The following LPP variants were observed in gnomAD, a reference collection of about 807,000 sequenced individuals.
LPP encodes the protein LIM domain containing preferred translocation partner in lipoma, also known as lipoma-preferred partner.
LPP carries 38 observed loss-of-function variants against 60.4 expected under a neutral mutation model. The ratio of observed to expected loss-of-function variants is 0.63; its 90% CI spans 0.49 to 0.83. LPP has a LOEUF of 0.83. LPP is among the 40% of genes least tolerant of loss of function. LPP has a pLI of 0.00. For missense variants in LPP, 902 were observed against 783.6 expected, an observed-to-expected ratio of 1.15 and a Z score of -1.80; for synonymous variants, 328 against 290.8, an observed-to-expected ratio of 1.13 and a Z score of -1.30.
At chr3:188,433,300 A>G (rs893769747) in intron 4 of LPP, among the ~76,000 whole-genome samples, 2 of 152,132 alleles carry the variant, frequency 1.3e-5, no homozygotes, top group African/African-American at 4.8e-5. Flanking sequence ...AAAATAACTT[A>G]GGAAATTTTG....
chr3:188,655,361 G>GA (rs1194289607), intron 7 of LPP, among the ~76,000 whole-genome samples: 5 of 151,910 alleles, frequency 3.3e-5, no homozygotes, highest in African/African-American at 7.2e-5. Flanking sequence ...AAGGACATCA[G>GA]AAAAAAAAGT....
chr3:188,491,557 T>TAGCAGCAGC (rs1305622939), intron 5 of LPP, among the ~76,000 whole-genome samples: 2 of 152,242 alleles, frequency 1.3e-5, no homozygotes, highest in Middle Eastern at 3.4e-3. Context: ...ACAGCAACAG[T>TAGCAGCAGC]AGCAGCAGCA....
At chr3:188,624,559 G>T (rs533363966) in intron 7 of LPP, among the ~76,000 whole-genome samples, 2 of 152,152 alleles carry the variant, frequency 1.3e-5, no homozygotes, top group Non-Finnish European at 2.9e-5. Context: ...GAGAACCATG[G>T]AAGTGCGAAC....
chr3:188,386,083 C>CA (rs1049423884), intron 3 of LPP, among the ~76,000 whole-genome samples: 5 of 150,566 alleles, frequency 3.3e-5, no homozygotes, highest in East Asian at 1.9e-4. Flanking sequence ...AATAGGTGAA[C>CA]AAAAAAAAGT....
At chr3:188,688,144 A>G (rs1265979811) in intron 7 of LPP, among the ~76,000 whole-genome samples, 3 of 152,238 alleles carry the variant, frequency 2.0e-5, no homozygotes, top group Non-Finnish European at 4.4e-5. Flanking sequence ...ACAATAATCT[A>G]TATGATGGGC....
intron 1 of LPP, among the ~76,000 whole-genome samples, chr3:188,173,101 T>C (rs1395317656): frequency 6.6e-6 from 1 of 152,210 alleles, no homozygotes; most frequent in African/African-American, 2.4e-5. Flanking sequence ...ACCCTTGGGC[T>C]CTAGCCATCC....
intron 6 of LPP, among the ~76,000 whole-genome samples, chr3:188,556,963 T>C (rs1427879696): frequency 6.6e-6 from 1 of 152,106 alleles, no homozygotes; most frequent in Non-Finnish European, 1.5e-5. Context: ...CTCTGTAAAT[T>C]ATTTCACAGG....
chr3:188,302,334 C>T lies in LPP; in HGVS notation c.-66-39329C>T, dbSNP rs551830423. On this transcript the variant is annotated intron_variant, in intron 2 of 11. Transcript: ENST00000617246. ...GACTTGTTTGAATCTAAAACTGTTACTCTTTGCAGTAAACCACAATGAAAC... is the reference window on the plus strand; with the variant it reads ...GACTTGTTTGAATCTAAAACTGTTATTCTTTGCAGTAAACCACAATGAAAC... Among the ~76,000 whole-genome samples, 5 of 152,302 alleles carry T rather than the reference C, an allele frequency of 3.3e-5. No homozygotes were observed. The South Asian group carries it at 1.0e-3, about 32-fold the overall frequency.
intron 9 of LPP, among the ~76,000 whole-genome samples, chr3:188,804,273 A>ATATAT (rs1748358777): frequency 7.9e-6 from 1 of 126,772 alleles, no homozygotes; most frequent in Non-Finnish European, 1.7e-5. Context: ...ATATATATAT[A>ATATAT]TATATATATA....
chr3:188,203,217 A>G (rs1221768362), intron 1 of LPP, among the ~76,000 whole-genome samples: 1 of 132,932 alleles, frequency 7.5e-6, no homozygotes, highest in Non-Finnish European at 1.5e-5. Flanking sequence ...ATTATAATAC[A>G]GCATATTGTA....
rs114366610 is a variant in LPP, at chr3:188,870,282, G to A, written c.1590-2361G>A. Among the ~76,000 whole-genome samples the A allele has an allele frequency of 8.3e-3, 1,263 of 152,178 alleles. 21 individuals carry two copies. The highest frequency in any genetic ancestry group is 0.029 in the African/African-American group (1,214 of 41,496). ...AGAAATATATAGAACTCCTTCTCAG[G>A]TCTGTACTGGAAGTCGTTGCTTATT... is the stretch of plus-strand genomic sequence containing the variant. On this transcript the variant is annotated intron_variant, in intron 10 of 11. Coordinates refer to ENST00000617246, the MANE Select transcript of LPP (RefSeq NM_001375462.1).
intron 2 of LPP, among the ~76,000 whole-genome samples, chr3:188,309,043 AT>A (rs1752552047): frequency 4.1e-5 from 2 of 49,172 alleles, no homozygotes; most frequent in African/African-American, 1.8e-4. Flanking sequence ...TTTTTTTGAT[AT>A]GGAGTCTCAC....
chr3:188,255,871 T>A (rs928839427), intron 2 of LPP, among the ~76,000 whole-genome samples: 1 of 152,192 alleles, frequency 6.6e-6, no homozygotes, highest in Non-Finnish European at 1.5e-5. Flanking sequence ...TCATTAACAT[T>A]GTAGGCAACT....
rs1577998525 is a variant in LPP at position 188,307,854 on chromosome 3, GTTT to G, written c.-66-33808_-66-33806del. Among the ~76,000 whole-genome samples the G allele has an allele frequency of 3.9e-5, 6 of 152,254 alleles. No individual in the cohort carries two copies. The East Asian group carries it at 1.2e-3, about 29-fold the overall frequency. On this transcript the variant is annotated intron_variant, in intron 2 of 11. Transcript: ENST00000617246. Reference sequence around the variant, plus strand: ...CTCTTAGACATTGTTAGGATAAATTGTTTCTATACGTATTGAATGGACTGTGGG... The same window carrying G: ...CTCTTAGACATTGTTAGGATAAATTGCTATACGTATTGAATGGACTGTGGG...
chr3:188,251,281 T>C (rs1392492123), intron 2 of LPP, among the ~76,000 whole-genome samples: 1 of 151,694 alleles, frequency 6.6e-6, no homozygotes, highest in Non-Finnish European at 1.5e-5. Flanking sequence ...GTCCCCATCA[T>C]CTTTGTTGTT....
At chr3:188,616,611 G>A (rs766863777) in intron 7 of LPP, among the ~76,000 whole-genome samples, 4 of 145,980 alleles carry the variant, frequency 2.7e-5, no homozygotes, top group African/African-American at 4.9e-5. Flanking sequence ...TTCCGTATAC[G>A]TTTTAGCATC....
chr3:188,323,381 T>A (rs1241141126), intron 2 of LPP, among the ~76,000 whole-genome samples: 2 of 152,174 alleles, frequency 1.3e-5, no homozygotes, highest in East Asian at 3.9e-4. Context: ...TTCTTACTTG[T>A]CAATATCTAC....
At chr3:188,460,121 T>C (rs1798663710) in intron 4 of LPP, among the ~76,000 whole-genome samples, 1 of 152,202 alleles carries the variant, frequency 6.6e-6, no homozygotes, top group Non-Finnish European at 1.5e-5. Context: ...AACAGCCTTA[T>C]TGATTTACAG....
chr3:188,412,445 A>G (rs1190746124), intron 4 of LPP, among the ~76,000 whole-genome samples: 1 of 152,126 alleles, frequency 6.6e-6, no homozygotes, highest in Non-Finnish European at 1.5e-5. Context: ...TTGTCTTTTC[A>G]TTTCAGTAGA....
Sources: allele counts gnomAD v4.1 joint callset (sites outside exome capture counted in the v4.1 genomes callset), GRCh38; gene constraint gnomAD v4.1.1; transcripts MANE v1.5; gene names NCBI Gene and HGNC (gene_info 2026-07-23, HGNC 2026-07-21).